Variants in ATM observed in about 807,000 individuals in gnomAD.
ATM encodes the protein serine-protein kinase ATM.
In ATM, 308 loss-of-function variants were observed where a neutral mutation model predicts 387.0. The ratio of observed to expected loss-of-function variants is 0.80; its 90% CI spans 0.73 to 0.87. The LOEUF (loss-of-function observed/expected upper bound fraction) is 0.87. Ranked by LOEUF, ATM falls within the 40% of genes least tolerant of loss-of-function variation. The pLI, the probability that ATM is intolerant of heterozygous loss-of-function variation, is 0.00. For missense variants in ATM, 3,312 were observed against 3,560.9 expected (o/e 0.93, Z 1.78); for synonymous variants, 1,156 against 1,187.3 (o/e 0.97, Z 0.54).
intron 27 of ATM, among the ~76,000 whole-genome samples, chr11:108,288,632 C>T (rs780990335): frequency 6.6e-6 from 1 of 150,906 alleles, no homozygotes; most frequent in Non-Finnish European, 1.5e-5. Context: ...TCTTAAAGTA[C>T]TGCTTTTACA....
chr11:108,286,312 C>CAAAAA (rs34917552), intron 26 of ATM, among the ~76,000 whole-genome samples: 1 of 47,172 alleles, frequency 2.1e-5, no homozygotes, highest in Non-Finnish European at 3.7e-5. Context: ...GATTTCGTCT[C>CAAAAA]AAAAAAAAAA....
intron 16 of ATM, among the ~76,000 whole-genome samples, chr11:108,264,462 G>A (rs185538705): frequency 1.1e-4 from 17 of 152,296 alleles, no homozygotes; most frequent in Admixed American, 7.2e-4. Context: ...GAATAAATTA[G>A]GTATTGATGG....
intron 22 of ATM, among the ~76,000 whole-genome samples, chr11:108,278,880 T>C (rs192089248): frequency 1.1e-4 from 17 of 152,138 alleles, no homozygotes; most frequent in Non-Finnish European, 2.5e-4. Context: ...ATTCAGACAA[T>C]AGCAGATATC....
In ATM at chr11:108,267,159, T is replaced by G. The variant is rs1469467036; in HGVS notation, c.2467-12T>G. The G allele has an allele frequency of 6.2e-7, 1 of 1,613,552 alleles. No homozygotes were observed. Among genetic ancestry groups the G allele is most frequent in the African/African-American group, 1.3e-5 (1 of 74,914 alleles). On this transcript the variant is annotated splice_polypyrimidine_tract_variant and intron_variant, in intron 16 of 62. Transcript: ENST00000675843. ...AAGCCATCTTGAACATCTTTGTTTC[T>G]CTTCCTTGAAGGCATCCTTCATCAA...
chr11:108,359,588 C>A (rs2090459928), intron 61 of ATM, among the ~76,000 whole-genome samples: 1 of 152,084 alleles, frequency 6.6e-6, no homozygotes, highest in Non-Finnish European at 1.5e-5. Flanking sequence ...GAGATTATAA[C>A]AAACTATCTC....
At chr11:108,233,263 A>G (rs2079109404) in intron 4 of ATM, among the ~76,000 whole-genome samples, 1 of 152,188 alleles carries the variant, frequency 6.6e-6, no homozygotes, top group African/African-American at 2.4e-5. Flanking sequence ...GTTCCATAAG[A>G]TTCCTGAAAG....
Position 108,282,764 on chromosome 11 carries a change from G to T in ATM, c.3631G>T (p.Ala1211Ser), listed in dbSNP as rs745467552. ...ATATAGACGTTTAGAAGACTTTATG[G>T]CATCTCATTTAGATTATCTGGTTTT... Reference protein sequence around the residue: ...FGYRRLEDFMASHLDYLVLEW... With the variant: ...FGYRRLEDFMSSHLDYLVLEW... The change falls in exon 25 of 63, where the codon GCA becomes TCA. Residue 1211 changes from alanine to serine, a missense_variant. This residue lies in a region of ATM where 1,791 missense variants were observed against 1,804.5 expected (regional missense o/e 0.99). Transcript: ENST00000675843. 2 of 1,612,560 alleles carry T rather than the reference G, an allele frequency of 1.2e-6. No homozygotes were observed. The highest frequency in any genetic ancestry group is 8.5e-7 in the Non-Finnish European group (1 of 1,178,938).
At chr11:108,273,482 C>T (rs540343144) in intron 22 of ATM, among the ~76,000 whole-genome samples, 36 of 151,686 alleles carry the variant, frequency 2.4e-4, no homozygotes, top group Non-Finnish European at 5.2e-4. Flanking sequence ...GCTGGGATTA[C>T]AGGCGCCTGC....
At chr11:108,346,797 T>C (rs760492132) in intron 58 of ATM, among the ~76,000 whole-genome samples, 1 of 152,112 alleles carries the variant, frequency 6.6e-6, no homozygotes, top group Non-Finnish European at 1.5e-5. Flanking sequence ...ATGCAGTTTT[T>C]TGGGGGGATA....
chr11:108,347,963 A>G (rs1252900781), intron 59 of ATM, among the ~76,000 whole-genome samples: 2 of 152,240 alleles, frequency 1.3e-5, no homozygotes, highest in African/African-American at 2.4e-5. Flanking sequence ...ATGAAGATTT[A>G]TACTAAAGTT....
At position 108,279,637 on chromosome 11, in the gene ATM, TATC is replaced by T. The variant is rs545376366; in HGVS notation, c.3402+32_3402+34del. ...ATTTTAAGTAACATGTATTTGCTGT[TATC>T]ATATGCTTGCTATGAATATCCCATA... On this transcript the variant is annotated intron_variant, in intron 23 of 62. Coordinates refer to ENST00000675843, the MANE Select transcript of ATM (RefSeq NM_000051.4). The T allele has an allele frequency of 1.5e-3, 2,210 of 1,508,116 alleles. 9 individuals are homozygous for T. Among genetic ancestry groups the T allele is most frequent in the Non-Finnish European group, 1.7e-3 (1,825 of 1,084,562 alleles). 93.4% of individuals were successfully genotyped at this position (1,508,116 alleles called of 1,614,324 possible).
rs898967895 is a variant in ATM, at chr11:108,289,234, C to G, written c.4236+131C>G. ...TCTCATAATTAAAAAGGAAAACATT[C>G]ATTTACAAGTTTAAATGGTATTTTA... On this transcript the variant is annotated intron_variant, in intron 28 of 62. Coordinates refer to ENST00000675843, the MANE Select transcript of ATM (RefSeq NM_000051.4). 17 of 957,656 alleles carry G rather than the reference C, an allele frequency of 1.8e-5. No homozygotes were observed. In the Admixed American group the frequency reaches 3.7e-4, roughly 21 times the overall value. 59.3% of individuals were successfully genotyped at this position (957,656 alleles called of 1,614,324 possible). A position where few individuals can be genotyped will look rare whatever the true frequency, so the allele number is the denominator to read the frequency against.
At chr11:108,256,997 T>C (rs1248094294) in intron 14 of ATM, among the ~76,000 whole-genome samples, 1 of 152,214 alleles carries the variant, frequency 6.6e-6, no homozygotes, top group East Asian at 1.9e-4. Context: ...TGTGTCTTTA[T>C]AGTAAAATGA....
At position 108,330,215 on chromosome 11, in the gene ATM, T is replaced by C. The variant is rs1565529213; in HGVS notation, c.7309T>C (p.Tyr2437His). ...LREHKIQTNR[Y>H]TVKVQRELEL... ...TTTACCTTAATTATTCTATGCAAGA[T>C]ACACAGTAAAGGTTCAGCGAGAGCT... The change falls in exon 50 of 63, where the codon TAC (tyrosine) becomes CAC (histidine). Residue 2437 changes from tyrosine to histidine, a missense_variant and splice_region_variant. Transcript: ENST00000675843. The C allele has an allele frequency of 6.2e-7, 1 of 1,613,806 alleles. No homozygotes were observed. The highest frequency in any genetic ancestry group is 8.5e-7 in the Non-Finnish European group (1 of 1,179,734).
At position 108,307,977 on chromosome 11, in the gene ATM, CAAAA is replaced by C; in HGVS notation, c.5756_5759del (p.Gln1919ArgfsTer17). The C allele has an allele frequency of 6.2e-7, 1 of 1,610,036 alleles. No individual in the cohort carries two copies. The highest frequency in any genetic ancestry group is 2.2e-5 in the East Asian group (1 of 44,802). Reference sequence around the variant, plus strand: ...TGCTGTTGTGGACTACATGAGAAGACAAAAGAGGTAATGTAATGAGTGTTGCTTC... The same window carrying C: ...TGCTGTTGTGGACTACATGAGAAGACGAGGTAATGTAATGAGTGTTGCTTC... On this transcript the variant is annotated frameshift_variant, in exon 38 of 63. Transcript: ENST00000675843. LOFTEE classifies it high-confidence loss of function.
At chr11:108,288,118 G>A (rs2082593966) in intron 27 of ATM, among the ~76,000 whole-genome samples, 1 of 151,304 alleles carries the variant, frequency 6.6e-6, no homozygotes, top group Non-Finnish European at 1.5e-5. Flanking sequence ...TGCCCTGGCT[G>A]GAGTGCAGTG....
chr11:108,360,388 T>C lies in ATM; in HGVS notation c.8851-4694T>C, dbSNP rs1174491536. Among the ~76,000 whole-genome samples, 4 of 149,462 alleles carry C rather than the reference T, an allele frequency of 2.7e-5. No individual in the cohort carries two copies. In the East Asian group the frequency reaches 6.0e-4, roughly 22 times the overall value. ...AGGTACAAGGAGGAACTGGTACCAT[T>C]CCTTCTGAAACTATTCCAATCAATA... is the stretch of plus-strand genomic sequence containing the variant. On this transcript the variant is annotated intron_variant, in intron 61 of 62. Coordinates refer to ENST00000675843, the MANE Select transcript of ATM (RefSeq NM_000051.4).
chr11:108,279,054 T>C (rs549356598), intron 22 of ATM, among the ~76,000 whole-genome samples: 1 of 152,328 alleles, frequency 6.6e-6, no homozygotes, highest in Admixed American at 6.5e-5. Flanking sequence ...GATCAACTTT[T>C]TTCCATCACA....
chr11:108,289,462 C>A, intron 28 of ATM, 140 bp from the exon 29 acceptor site: 1 of 723,720 alleles, frequency 1.4e-6, no homozygotes, highest in Non-Finnish European at 2.1e-6. Flanking sequence ...ATATCAAACC[C>A]AAATCTAAAT....
Sources: gnomAD v4.1 joint callset for allele counts (sites outside exome capture counted in the v4.1 genomes callset) on GRCh38, gnomAD v4.1.1 for gene constraint, gnomAD v4.1.1 regional missense constraint, MANE v1.5 for transcripts, NCBI Gene and HGNC (gene_info 2026-07-23, HGNC 2026-07-21) for gene names.